The following XPO7 variants were observed in gnomAD, a reference collection of about 807,000 sequenced individuals.
The protein encoded by XPO7 is exportin 7, also known as exportin-7.
XPO7 carries 21 observed loss-of-function variants against 144.3 expected under a neutral mutation model. The observed-to-expected ratio is 0.15, with a 90% CI of 0.10 to 0.21. The LOEUF is 0.21. Among genes scored for constraint, XPO7 ranks in the 10% least tolerant of loss-of-function variants. XPO7 has a pLI of 1.00. For missense variants in XPO7, 808 were observed against 1,325.8 expected (o/e 0.61, Z 6.06); for synonymous variants, 580 against 499.6 (o/e 1.16, Z -2.15).
intron 11 of XPO7, 79 bp from the exon 12 acceptor site, chr8:21,984,567 G>A: frequency 7.6e-7 from 1 of 1,320,300 alleles, no homozygotes; most frequent in Non-Finnish European, 1.0e-6. Context: ...GCTAAGTGAA[G>A]AAGTCAGAGA....
intron 17 of XPO7, 172 bp from the exon 18 acceptor site, chr8:21,990,639 T>C: frequency 1.4e-6 from 1 of 719,912 alleles, no homozygotes. Flanking sequence ...GCAGATAAAT[T>C]AGTAGTAGTG....
rs1426907708 is a variant in XPO7 at position 21,966,845 on chromosome 8, G to A, written c.19-12G>A. 2 of 1,607,656 alleles carry A rather than the reference G, an allele frequency of 1.2e-6. No individual in the cohort carries two copies. The highest frequency in any genetic ancestry group is 1.7e-6 in the Non-Finnish European group (2 of 1,176,164). The stretch of plus-strand genomic sequence containing the variant: ...GGCTGAACTGTTTTCTTTCCTGACT[G>A]ATCTTTTCCAGAGCCTGGCCCAACT... On this transcript the variant is annotated splice_polypyrimidine_tract_variant and intron_variant, in intron 1 of 27. Transcript: ENST00000252512.
chr8:22,002,370 C>A, intron 25 of XPO7, 98 bp downstream of exon 25: 1 of 1,394,912 alleles, frequency 7.2e-7, no homozygotes, highest in Non-Finnish European at 9.6e-7. Flanking sequence ...CATGACATCT[C>A]ATCAGGTTCC....
At chr8:21,976,632 G>A in intron 7 of XPO7, 111 bp downstream of exon 7, 1 of 1,263,590 alleles carries the variant, frequency 7.9e-7, no homozygotes, top group Non-Finnish European at 1.1e-6. Context: ...GGAGAATTGA[G>A]AAAAAATTCT....
At chr8:21,975,624 T>C (rs758221837) in intron 6 of XPO7, among the ~76,000 whole-genome samples, 1 of 152,270 alleles carries the variant, frequency 6.6e-6, no homozygotes, top group Non-Finnish European at 1.5e-5. Context: ...TACTTAGTTT[T>C]ACCTTAGAAT....
chr8:21,973,692 A>C (rs1459005431), intron 5 of XPO7, among the ~76,000 whole-genome samples: 1 of 152,228 alleles, frequency 6.6e-6, no homozygotes, highest in Non-Finnish European at 1.5e-5. Flanking sequence ...TAAACAGAAG[A>C]GATTTAAGCT....
In XPO7 at chr8:21,984,664, C is replaced by T. The variant is rs770460232; in HGVS notation, c.1296C>T (p.Pro432=). The T allele has an allele frequency of 1.2e-6, 2 of 1,613,038 alleles. No individual in the cohort carries two copies. Among genetic ancestry groups the T allele is most frequent in the Non-Finnish European group, 1.7e-6 (2 of 1,179,568 alleles). Residue 432 remains proline (P), a synonymous_variant, in exon 12 of 28, where the codon CCC becomes CCT. Transcript: ENST00000252512. ...HIILRDGLED[P]LEDTGLVQQQ... Reference sequence around the variant, plus strand: ...GGAATAGAGATGGCCTGGAAGATCCCCTGGAGGATACGGGGCTGGTCCAGC... The same window carrying T: ...GGAATAGAGATGGCCTGGAAGATCCTCTGGAGGATACGGGGCTGGTCCAGC...
chr8:22,001,308 CA>C (rs762708728), intron 24 of XPO7, among the ~76,000 whole-genome samples: 5,802 of 116,656 alleles, frequency 0.05, 136 homozygotes, highest in Non-Finnish European at 0.07. Flanking sequence ...GACTCCGTAT[CA>C]AAAAAAAAAA....
At chr8:21,992,932 C>A (rs866651586) in intron 19 of XPO7, among the ~76,000 whole-genome samples, 12 of 152,278 alleles carry the variant, frequency 7.9e-5, no homozygotes, top group African/African-American at 2.9e-4. Context: ...TACCAGCTAG[C>A]CAGGGTATTG....
chr8:21,981,709 T>G, intron 9 of XPO7, 22 bp from the exon 10 acceptor site: 2 of 1,612,180 alleles, frequency 1.2e-6, no homozygotes, highest in South Asian at 2.2e-5. Flanking sequence ...TACATTTTAT[T>G]TTTCTCCTCT....
At chr8:22,003,132 A>C in intron 25 of XPO7, 87 bp from the exon 26 acceptor site, 3 of 1,008,108 alleles carry the variant, frequency 3.0e-6, no homozygotes, top group Non-Finnish European at 4.4e-6. Flanking sequence ...CCTTCAGCCT[A>C]ATATACTCCT....
chr8:21,966,825 A>T, intron 1 of XPO7, 32 bp from the exon 2 acceptor site: 1 of 1,598,108 alleles, frequency 6.3e-7, no homozygotes, highest in Non-Finnish European at 8.5e-7. Flanking sequence ...TAGTAGGCTG[A>T]ACTGTTTTCT....
chr8:22,002,536 T>C (rs1170619595), intron 25 of XPO7, among the ~76,000 whole-genome samples: 4 of 152,174 alleles, frequency 2.6e-5, no homozygotes, highest in African/African-American at 9.7e-5. Context: ...CTATCCTCTT[T>C]CTGTGAAAAT....
chr8:21,926,621 A>G (rs1810467247), intron 1 of XPO7, among the ~76,000 whole-genome samples: 1 of 130,344 alleles, frequency 7.7e-6, no homozygotes. Context: ...CTGTCTTCCA[A>G]AAAGACGTTG....
chr8:21,977,552 T>C (rs1812266059), intron 7 of XPO7, among the ~76,000 whole-genome samples: 1 of 152,042 alleles, frequency 6.6e-6, no homozygotes, highest in East Asian at 1.9e-4. Flanking sequence ...GCCATTGCAC[T>C]CCAGCCTGGG....
At chr8:21,969,407 G>T in intron 2 of XPO7, 76 bp from the exon 3 acceptor site, 1 of 1,262,774 alleles carries the variant, frequency 7.9e-7, no homozygotes, top group East Asian at 2.5e-5. Flanking sequence ...AATCTGAGCA[G>T]AGATCTCCAA....
intron 3 of XPO7, 197 bp downstream of exon 3, chr8:21,969,773 T>C: frequency 1.7e-6 from 1 of 589,616 alleles, no homozygotes; most frequent in Non-Finnish European, 2.9e-6. Flanking sequence ...GGATAAAGCC[T>C]AAGTCCTCCC....
At chr8:21,956,225 G>A (rs1009068742) in intron 1 of XPO7, among the ~76,000 whole-genome samples, 3 of 152,130 alleles carry the variant, frequency 2.0e-5, no homozygotes, top group African/African-American at 7.2e-5. Context: ...AGAGGATTTC[G>A]CAGGAATTGT....
At chr8:21,999,368 G>A (rs1813062239) in intron 23 of XPO7, 63 bp downstream of exon 23, 2 of 1,598,090 alleles carry the variant, frequency 1.3e-6, no homozygotes, top group Admixed American at 1.7e-5. Flanking sequence ...TTTCACCTGA[G>A]ACCAAGATTG....
Sources: allele counts gnomAD v4.1 joint callset (sites outside exome capture counted in the v4.1 genomes callset), GRCh38; gene constraint gnomAD v4.1.1; transcripts MANE v1.5; gene names NCBI Gene and HGNC (gene_info 2026-07-23, HGNC 2026-07-21).